The following KALRN variants were observed in gnomAD, a reference collection of about 807,000 sequenced individuals.
The protein encoded by KALRN is kalirin RhoGEF kinase.
Under a neutral mutation model 353.7 loss-of-function variants are expected in KALRN, and 70 were observed. The ratio of observed to expected loss-of-function variants is 0.20; its 90% CI spans 0.16 to 0.24. The LOEUF is 0.24. Ranked by LOEUF, KALRN falls within the 10% of genes least tolerant of loss-of-function variation. The pLI is 1.00. For missense variants in KALRN, 2,791 were observed against 3,756.7 expected, an observed-to-expected ratio of 0.74 and a Z score of 6.72; for synonymous variants, 1,391 against 1,434.8, an observed-to-expected ratio of 0.97 and a Z score of 0.69.
intron 10 of KALRN, chr3:124,374,538 G>A (rs2086311242): frequency 6.6e-6 from 1 of 152,260 alleles, no homozygotes; most frequent in African/African-American, 2.4e-5. Flanking sequence ...AAGCAGAAGT[G>A]TGGCCAAACC....
intron 1 of KALRN, among the ~76,000 whole-genome samples, chr3:124,053,644 G>A (rs1043478743): frequency 1.3e-5 from 2 of 152,164 alleles, no homozygotes; most frequent in African/African-American, 4.8e-5. Context: ...AGTGACTGAC[G>A]GTTGGACAGT....
chr3:124,152,359 A>G (rs2068234982), intron 1 of KALRN: 2 of 1,196,576 alleles, frequency 1.7e-6, no homozygotes, highest in Admixed American at 3.4e-5. Context: ...ACGAAGGCGA[A>G]GAAGCTGCAA....
At chr3:124,174,326 T>A (rs1335355752) in intron 1 of KALRN, among the ~76,000 whole-genome samples, 1 of 151,974 alleles carries the variant, frequency 6.6e-6, no homozygotes, top group African/African-American at 2.4e-5. Context: ...CCAAGCTACT[T>A]GGGAGGCTGA....
chr3:124,166,227 A>G (rs1294210887), intron 1 of KALRN, among the ~76,000 whole-genome samples: 5 of 152,186 alleles, frequency 3.3e-5, no homozygotes, highest in African/African-American at 1.2e-4. Flanking sequence ...TTTTGTACAC[A>G]TGATTTTTGT....
intron 39 of KALRN, among the ~76,000 whole-genome samples, chr3:124,657,155 A>G (rs1445223410): frequency 6.6e-6 from 1 of 152,124 alleles, no homozygotes; most frequent in Non-Finnish European, 1.5e-5. Flanking sequence ...GCCTTTATAG[A>G]CCTGATTAAT....
At chr3:124,153,332 T>A (rs2068475789) in intron 1 of KALRN, among the ~76,000 whole-genome samples, 1 of 145,424 alleles carries the variant, frequency 6.9e-6, no homozygotes. Context: ...GTGTTCTCAT[T>A]GTTCAATTCC....
chr3:124,654,971 T>C (rs1322252143), intron 38 of KALRN, among the ~76,000 whole-genome samples: 6 of 152,170 alleles, frequency 3.9e-5, no homozygotes, highest in African/African-American at 1.4e-4. Flanking sequence ...CTGGAGAAGG[T>C]AGTGCTGCAT....
chr3:124,107,638 G>T (rs1233054719), intron 1 of KALRN, among the ~76,000 whole-genome samples: 1 of 152,176 alleles, frequency 6.6e-6, no homozygotes, highest in Non-Finnish European at 1.5e-5. Flanking sequence ...CTCTTTCCCT[G>T]CCACAGGGAG....
At chr3:124,529,001 A>G (rs1229256278) in intron 33 of KALRN, among the ~76,000 whole-genome samples, 1 of 152,194 alleles carries the variant, frequency 6.6e-6, no homozygotes, top group Admixed American at 6.5e-5. Flanking sequence ...ACTCAGACTC[A>G]TCTGTAGATT....
At chr3:124,399,807 A>G (rs931031760) in intron 13 of KALRN, among the ~76,000 whole-genome samples, 9 of 152,150 alleles carry the variant, frequency 5.9e-5, no homozygotes, top group Admixed American at 2.0e-4. Context: ...TCTCATACCA[A>G]TTAGTAATGT....
intron 51 of KALRN, among the ~76,000 whole-genome samples, chr3:124,692,883 T>C (rs952066120): frequency 4.6e-5 from 7 of 152,226 alleles, no homozygotes; most frequent in Non-Finnish European, 8.8e-5. Flanking sequence ...TGCCAGGCTG[T>C]ACAATCTGGA....
intron 27 of KALRN, among the ~76,000 whole-genome samples, chr3:124,480,381 T>A (rs1462737181): frequency 6.6e-6 from 1 of 152,190 alleles, no homozygotes; most frequent in Non-Finnish European, 1.5e-5. Flanking sequence ...ATTATTATTA[T>A]CTCTCCTCCA....
intron 10 of KALRN, among the ~76,000 whole-genome samples, chr3:124,380,366 C>T (rs1469773610): frequency 6.6e-6 from 1 of 152,134 alleles, no homozygotes; most frequent in Non-Finnish European, 1.5e-5. Flanking sequence ...GACTTAAGGG[C>T]TGAATTATTT....
chr3:124,055,702 T>C (rs75952028), intron 1 of KALRN, among the ~76,000 whole-genome samples: 3,473 of 152,304 alleles, frequency 0.023, 99 homozygotes, highest in African/African-American at 0.067. Context: ...CATGCTACTT[T>C]AGGTTTCCTG....
chr3:124,175,640 T>G (rs1215222161), intron 1 of KALRN, among the ~76,000 whole-genome samples: 1 of 150,764 alleles, frequency 6.6e-6, no homozygotes, highest in Non-Finnish European at 1.5e-5. Context: ...TGGGGAAATG[T>G]GTACAGCCAA....
chr3:124,292,334 G>A (rs999598853), intron 5 of KALRN, among the ~76,000 whole-genome samples: 12 of 152,170 alleles, frequency 7.9e-5, no homozygotes, highest in Non-Finnish European at 1.2e-4. Context: ...CTAATTCCAG[G>A]AGGGATTGCA....
intron 1 of KALRN, among the ~76,000 whole-genome samples, chr3:124,049,623 C>T (rs1381586728): frequency 6.6e-6 from 1 of 152,088 alleles, no homozygotes; most frequent in Non-Finnish European, 1.5e-5. Flanking sequence ...GCCTGTACTG[C>T]ACTTGAGGAC....
Position 124,492,888 on chromosome 3 carries a change from C to A in KALRN, c.4832+6C>A. On this transcript the variant is annotated splice_donor_region_variant and intron_variant, in intron 32 of 59. Coordinates refer to ENST00000682506, the MANE Select transcript of KALRN (RefSeq NM_001388419.1). The stretch of plus-strand genomic sequence containing the variant: ...CAGAGGAACAATAGTAAGAGGTAAC[C>A]AGCACCTCTCCCTCCAGCACTGCCT... The A allele has an allele frequency of 6.2e-7, 1 of 1,613,590 alleles. No homozygotes were observed.
At chr3:124,618,630 G>A (rs766343578) in intron 34 of KALRN, among the ~76,000 whole-genome samples, 1 of 152,158 alleles carries the variant, frequency 6.6e-6, no homozygotes, top group East Asian at 1.9e-4. Flanking sequence ...TAGAGTTAAC[G>A]GTGCTTTACG....
Sources: gnomAD v4.1 joint callset for allele counts (sites outside exome capture counted in the v4.1 genomes callset) on GRCh38, gnomAD v4.1.1 for gene constraint, MANE v1.5 for transcripts, NCBI Gene and HGNC (gene_info 2026-07-23, HGNC 2026-07-21) for gene names.